The following CACNA1D variants were observed in gnomAD, a reference collection of about 807,000 sequenced individuals.
The protein encoded by CACNA1D is calcium voltage-gated channel subunit alpha1 D.
In CACNA1D, 55 loss-of-function variants were observed where a neutral mutation model predicts 257.1. The observed-to-expected ratio is 0.21, with a 90% CI of 0.17 to 0.27. The LOEUF is 0.27. CACNA1D is among the 10% of genes least tolerant of loss of function. The pLI, the probability that CACNA1D is intolerant of heterozygous loss-of-function variation, is 1.00. For synonymous variants in CACNA1D, 980 were observed against 1,014.9 expected (o/e 0.97, Z 0.65); for missense variants, 1,876 against 2,784.0 (o/e 0.67, Z 7.34).
intron 3 of CACNA1D, among the ~76,000 whole-genome samples, chr3:53,538,510 G>GT (rs1330593516): frequency 2.0e-5 from 3 of 152,056 alleles, no homozygotes; most frequent in Non-Finnish European, 4.4e-5. Context: ...TGACTGGTTT[G>GT]TTTTTTGGTT....
intron 3 of CACNA1D, among the ~76,000 whole-genome samples, chr3:53,613,874 G>A (rs930208929): frequency 6.6e-6 from 1 of 152,082 alleles, no homozygotes; most frequent in Non-Finnish European, 1.5e-5. Flanking sequence ...CTGTAACCAG[G>A]AGACAGAAAT....
At chr3:53,520,271 G>A (rs570228797) in intron 3 of CACNA1D, among the ~76,000 whole-genome samples, 39 of 152,176 alleles carry the variant, frequency 2.6e-4, no homozygotes, top group Non-Finnish European at 5.1e-4. Flanking sequence ...ACATGTGGAG[G>A]TTCCAATTTC....
At chr3:53,504,497 T>C (rs543414938) in intron 3 of CACNA1D, among the ~76,000 whole-genome samples, 15 of 152,248 alleles carry the variant, frequency 9.9e-5, no homozygotes, top group Admixed American at 2.0e-4. Context: ...ATAGTTTTTG[T>C]TCTTTATTTT....
chr3:53,723,912 G>A lies in CACNA1D; in HGVS notation c.2013G>A (p.Leu671=), dbSNP rs372425305. The change falls in exon 14 of 48, where the codon CTG becomes CTA. Residue 671 remains leucine, a synonymous_variant. Transcript: ENST00000350061. This position sits in a 1 kb window ranked among gnomAD's most constrained non-coding sequence, Gnocchi z 5.6. ...TCTTTTCCTTGCTTGGGATGCAGCT[G>A]TTTGGCGGCAAGTTTAATTTTGATG... ...IIIFSLLGMQ[L]FGGKFNFDET... 7 of 1,614,026 alleles carry A rather than the reference G, an allele frequency of 4.3e-6. No homozygotes were observed. Among genetic ancestry groups the A allele is most frequent in the Non-Finnish European group, 5.1e-6 (6 of 1,180,016 alleles).
intron 9 of CACNA1D, among the ~76,000 whole-genome samples, chr3:53,709,590 A>G (rs558573356): frequency 6.6e-6 from 1 of 152,314 alleles, no homozygotes; most frequent in Admixed American, 6.5e-5. Context: ...TTACTCCAGC[A>G]TTCCTGCTGC....
chr3:53,716,660 G>A (rs777814419), intron 9 of CACNA1D, among the ~76,000 whole-genome samples: 7 of 152,130 alleles, frequency 4.6e-5, no homozygotes, highest in Middle Eastern at 3.4e-3. Context: ...TTCTCACTTA[G>A]GAAAGAAGAA....
At chr3:53,620,906 G>A (rs1473034236) in intron 3 of CACNA1D, among the ~76,000 whole-genome samples, 1 of 152,198 alleles carries the variant, frequency 6.6e-6, no homozygotes, top group Non-Finnish European at 1.5e-5. Context: ...AGGCACTGAG[G>A]CCAGAGGAAG....
intron 29 of CACNA1D, 89 bp downstream of exon 29, chr3:53,753,771 T>C: frequency 8.6e-6 from 7 of 812,080 alleles, no homozygotes; most frequent in South Asian, 8.3e-5. Context: ...TACTGAATTA[T>C]GCTAAAGTGT....
At chr3:53,569,823 A>G (rs1048962619) in intron 3 of CACNA1D, among the ~76,000 whole-genome samples, 14 of 152,352 alleles carry the variant, frequency 9.2e-5, no homozygotes, top group African/African-American at 2.9e-4. Context: ...CTGCTGCTAA[A>G]TAGCTACAGA....
intron 3 of CACNA1D, among the ~76,000 whole-genome samples, chr3:53,506,318 C>T (rs932465889): frequency 3.3e-5 from 5 of 152,312 alleles, no homozygotes; most frequent in Admixed American, 2.6e-4. Flanking sequence ...CAGTCCAACT[C>T]TCCTGTACAG....
chr3:53,590,648 G>A (rs1442106208), intron 3 of CACNA1D, among the ~76,000 whole-genome samples: 3 of 152,226 alleles, frequency 2.0e-5, no homozygotes, highest in African/African-American at 4.8e-5. Flanking sequence ...TGGTTGGAGA[G>A]TCAGTACAGA....
At chr3:53,631,061 G>T (rs979394030) in intron 3 of CACNA1D, among the ~76,000 whole-genome samples, 1 of 152,196 alleles carries the variant, frequency 6.6e-6, no homozygotes, top group African/African-American at 2.4e-5. Context: ...GCTGCTGACC[G>T]ATCACAGTAG....
chr3:53,496,515 G>A (rs1348906144), intron 1 of CACNA1D, among the ~76,000 whole-genome samples: 1 of 152,200 alleles, frequency 6.6e-6, no homozygotes, highest in African/African-American at 2.4e-5. Flanking sequence ...AGCCTGTGGA[G>A]GAAATGAGTC....
intron 3 of CACNA1D, among the ~76,000 whole-genome samples, chr3:53,583,560 C>T (rs1379373293): frequency 6.6e-6 from 1 of 152,190 alleles, no homozygotes; most frequent in Non-Finnish European, 1.5e-5. Context: ...GGGTCTGCAG[C>T]AGCAGCCCAT....
intron 32 of CACNA1D, 27 bp downstream of exon 32, chr3:53,770,579 C>T (rs1192116506): frequency 2.5e-6 from 4 of 1,610,982 alleles, no homozygotes; most frequent in Non-Finnish European, 3.4e-6. Flanking sequence ...GGACTTCTCT[C>T]TTTGTCTTTG....
chr3:53,611,092 C>G (rs1192532211), intron 3 of CACNA1D, among the ~76,000 whole-genome samples: 3 of 152,184 alleles, frequency 2.0e-5, no homozygotes, highest in East Asian at 3.8e-4. Flanking sequence ...TCAGAACTTT[C>G]TTTTGGCCAG....
chr3:53,693,750 A>G (rs1478594579), intron 8 of CACNA1D, among the ~76,000 whole-genome samples: 1 of 152,154 alleles, frequency 6.6e-6, no homozygotes, highest in East Asian at 1.9e-4. Context: ...TTTACTAAAA[A>G]TCTGAGTCCC....
intron 30 of CACNA1D, 28 bp from the exon 31 acceptor site, chr3:53,769,945 T>A: frequency 6.3e-7 from 1 of 1,576,996 alleles, no homozygotes; most frequent in Non-Finnish European, 8.7e-7. Flanking sequence ...GGTTCATTAA[T>A]CCATTTTCAA....
intron 3 of CACNA1D, among the ~76,000 whole-genome samples, chr3:53,535,714 G>T (rs1575786246): frequency 6.6e-6 from 1 of 152,352 alleles, no homozygotes; most frequent in Admixed American, 6.5e-5. Context: ...ATAAAACTGA[G>T]ATGAAAGCTG....
Sources: gnomAD v4.1 joint callset for allele counts (sites outside exome capture counted in the v4.1 genomes callset) on GRCh38, gnomAD v4.1.1 for gene constraint, Gnocchi (gnomAD v3.1) non-coding constraint, MANE v1.5 for transcripts, NCBI Gene and HGNC (gene_info 2026-07-23, HGNC 2026-07-21) for gene names.